TTLL13: variants seen among roughly 807,000 people sequenced by gnomAD.
The protein encoded by TTLL13 is tubulin polyglutamylase TTLL13.
chr15:90,258,273 AG>A, the TTLL13 span: 2,611 of 1,614,096 alleles, frequency 1.6e-3, 35 homozygotes, highest in African/African-American at 0.031. Context: ...GCTAGAGGTG[AG>A]GATTATCTCC....
the TTLL13 span, chr15:90,251,699 C>T: frequency 9.7e-6 from 13 of 1,342,080 alleles, no homozygotes; most frequent in African/African-American, 7.2e-5. Flanking sequence ...GCCCCTGGGG[C>T]CTGGCGGGCT....
the TTLL13 span, chr15:90,251,521 C>A: frequency 6.2e-7 from 1 of 1,604,586 alleles, no homozygotes; most frequent in Non-Finnish European, 8.5e-7. Context: ...TTCCCTCCCA[C>A]TCTTCCTGAT....
At chr15:90,254,195 T>TTG in the TTLL13 span, among the ~76,000 whole-genome samples, 1 of 110,606 alleles carries the variant, frequency 9.0e-6, no homozygotes. Flanking sequence ...CCTGTTTTTT[T>TTG]TTTTTTTAAA....
chr15:90,251,460 A>C, the TTLL13 span: 2 of 1,300,338 alleles, frequency 1.5e-6, no homozygotes, highest in Admixed American at 1.7e-5. Flanking sequence ...TCTAGAGAAA[A>C]GGAATTGTGT....
chr15:90,260,096 T>G, the TTLL13 span, among the ~76,000 whole-genome samples: 1 of 152,226 alleles, frequency 6.6e-6, no homozygotes, highest in Non-Finnish European at 1.5e-5. Flanking sequence ...CTGGACTGTG[T>G]ACCTGAGGGT....
At chr15:90,257,250 CGCCCTATATGGA>C in the TTLL13 span, 1 of 1,613,906 alleles carries the variant, frequency 6.2e-7, no homozygotes, top group Non-Finnish European at 8.5e-7. Flanking sequence ...TTTGCCACCA[CGCCCTATATGGA>C]GCCCAGCCAT....
the TTLL13 span, chr15:90,251,581 C>T: frequency 1.9e-6 from 3 of 1,613,846 alleles, no homozygotes; most frequent in Admixed American, 1.7e-5. Flanking sequence ...TGACCAACTG[C>T]AAGTATGAGA....
the TTLL13 span, chr15:90,258,969 C>T: frequency 6.2e-7 from 1 of 1,613,678 alleles, no homozygotes. Flanking sequence ...TTCATTATTC[C>T]TGAGAGTAAA....
chr15:90,253,254 C>G, the TTLL13 span: 3 of 1,613,460 alleles, frequency 1.9e-6, no homozygotes, highest in Non-Finnish European at 2.5e-6. Flanking sequence ...TGCAGTGCGT[C>G]GGGCAGCCCA....
At chr15:90,250,322 A>G in the TTLL13 span, among the ~76,000 whole-genome samples, 1 of 152,148 alleles carries the variant, frequency 6.6e-6, no homozygotes, top group Non-Finnish European at 1.5e-5. Flanking sequence ...GTCATGGCCC[A>G]TACCATCTGT....
chr15:90,264,565 C>T, the TTLL13 span, among the ~76,000 whole-genome samples: 7 of 152,172 alleles, frequency 4.6e-5, no homozygotes, highest in South Asian at 1.4e-3. Flanking sequence ...GACAAAAAGA[C>T]ATACCATACC....
At chr15:90,262,625 C>G in the TTLL13 span, 68 of 1,522,230 alleles carry the variant, frequency 4.5e-5, no homozygotes, top group Non-Finnish European at 5.9e-5. Flanking sequence ...GCTCCAGAGC[C>G]TTTCCACCCA....
At chr15:90,256,104 C>G in the TTLL13 span, 2 of 1,607,610 alleles carry the variant, frequency 1.2e-6, no homozygotes, top group Non-Finnish European at 1.7e-6. Context: ...AGCCTTGATG[C>G]ACAGAAACCT....
At chr15:90,253,429 T>C in the TTLL13 span, 1 of 1,294,486 alleles carries the variant, frequency 7.7e-7, no homozygotes, top group South Asian at 1.5e-5. Context: ...TATTCCCACC[T>C]CCTTGCCCAG....
At chr15:90,256,645 C>CT in the TTLL13 span, among the ~76,000 whole-genome samples, 2 of 126,882 alleles carry the variant, frequency 1.6e-5, no homozygotes, top group Non-Finnish European at 3.1e-5. Flanking sequence ...TTCCTTCTTT[C>CT]TTTCTCCCTT....
the TTLL13 span, chr15:90,265,448 C>A: frequency 2.2e-6 from 3 of 1,335,028 alleles, no homozygotes; most frequent in Non-Finnish European, 2.9e-6. Context: ...AAACGGAATC[C>A]GTACTTTAAT....
the TTLL13 span, chr15:90,257,134 C>A: frequency 4.3e-6 from 7 of 1,612,542 alleles, no homozygotes; most frequent in South Asian, 7.7e-5. Context: ...TTGCATGCTC[C>A]CAGCCCCTCC....
At chr15:90,263,639 T>G in the TTLL13 span, 7 of 598,536 alleles carry the variant, frequency 1.2e-5, no homozygotes, top group South Asian at 1.4e-4. Flanking sequence ...GGTTAAATAG[T>G]GGCCGCGGCC....
chr15:90,262,007 A>T, the TTLL13 span: 1 of 1,531,774 alleles, frequency 6.5e-7, no homozygotes, highest in Non-Finnish European at 8.7e-7. Context: ...TTTCCACAGG[A>T]AAGAAAAAAC....
Sources: allele counts gnomAD v4.1 joint callset (sites outside exome capture counted in the v4.1 genomes callset), GRCh38; gene constraint gnomAD v4.1.1; transcripts MANE v1.5; gene names NCBI Gene and HGNC (gene_info 2026-07-23, HGNC 2026-07-21).